UPF2: variants seen among roughly 807,000 people sequenced by gnomAD.
UPF2 encodes the protein UPF2 regulator of nonsense mediated mRNA decay.
UPF2 carries 17 observed loss-of-function variants against 141.4 expected under a neutral mutation model. The observed-to-expected ratio is 0.12, with a 90% CI of 0.08 to 0.18. The LOEUF is 0.18. Ranked by LOEUF, UPF2 falls within the 10% of genes least tolerant of loss-of-function variation. UPF2 has a pLI of 1.00. For synonymous variants in UPF2, 540 were observed against 498.0 expected (o/e 1.08, Z -1.12); for missense variants, 1,152 against 1,515.9 (o/e 0.76, Z 3.99).
Position 12,028,932 on chromosome 10 carries a change from C to A in UPF2, c.958G>T (p.Ala320Ser). The stretch of plus-strand genomic sequence containing the variant: ...TTTACTTTCCTTGGTACAAGTCCAG[C>A]AATATCATCTCCACAATGTCGACAG... ...SFCRHCGDDIAGLVPRKVKSA... is the reference protein window; with the variant it reads ...SFCRHCGDDISGLVPRKVKSA... Residue 320 changes from alanine to serine, a missense_variant, in exon 3 of 22, where the codon GCT (alanine) becomes TCT (serine). Around this residue, in one of 4 missense-constraint regions of UPF2, gnomAD observed 739 missense variants for 1,032.2 expected, o/e 0.72. Coordinates refer to ENST00000357604, the MANE Select transcript of UPF2 (RefSeq NM_015542.4). 1 of 1,614,164 alleles carries A rather than the reference C, an allele frequency of 6.2e-7. No individual in the cohort carries two copies. The highest frequency in any genetic ancestry group is 8.5e-7 in the Non-Finnish European group (1 of 1,180,034).
intron 8 of UPF2, among the ~76,000 whole-genome samples, chr10:11,986,421 T>C (rs1156609730): frequency 6.6e-6 from 1 of 152,120 alleles, no homozygotes; most frequent in South Asian, 2.1e-4. Context: ...AGCAGAAACA[T>C]ACAAACACTT....
chr10:12,039,233 C>G (rs1021125561), intron 1 of UPF2, among the ~76,000 whole-genome samples: 1 of 152,118 alleles, frequency 6.6e-6, no homozygotes, highest in Non-Finnish European at 1.5e-5. Flanking sequence ...AAGGCCTGCA[C>G]AGCTGGTGAC....
chr10:11,925,944 A>G lies in UPF2; in HGVS notation c.3809+3921T>C, dbSNP rs553059520. ...TGATTTTAAGCAGAAGGGCACACAC[A>G]GATATCAAATTTGTGTTTTAGAAAG... On this transcript the variant is annotated intron_variant, in intron 21 of 21. Transcript: ENST00000357604. Among the ~76,000 whole-genome samples the G allele has an allele frequency of 2.6e-3, 390 of 152,340 alleles. 1 individual carries two copies. The highest frequency in any genetic ancestry group is 8.9e-3 in the African/African-American group (369 of 41,580).
intron 9 of UPF2, among the ~76,000 whole-genome samples, chr10:11,968,421 AT>A (rs1435766502): frequency 1.3e-5 from 2 of 152,236 alleles, no homozygotes; most frequent in African/African-American, 4.8e-5. Context: ...ATTAGTTAAC[AT>A]CCCATTAAAT....
At chr10:12,024,326 G>C (rs1397514549) in intron 3 of UPF2, among the ~76,000 whole-genome samples, 2 of 151,974 alleles carry the variant, frequency 1.3e-5, no homozygotes, top group Non-Finnish European at 2.9e-5. Flanking sequence ...GTTTGGGATG[G>C]GGGGTGGGCA....
chr10:11,981,676 G>A (rs1438901209), intron 8 of UPF2, among the ~76,000 whole-genome samples: 2 of 86,598 alleles, frequency 2.3e-5, no homozygotes, highest in East Asian at 6.6e-4. Flanking sequence ...AGGTGTTCTT[G>A]TAAGGTACTC....
At chr10:11,981,464 G>A (rs192131113) in intron 8 of UPF2, among the ~76,000 whole-genome samples, 2 of 152,146 alleles carry the variant, frequency 1.3e-5, no homozygotes, top group Admixed American at 1.3e-4. Flanking sequence ...TAGTATTACC[G>A]CAATAATTTT....
At chr10:11,929,122 G>A (rs868443618) in intron 21 of UPF2, among the ~76,000 whole-genome samples, 3 of 152,354 alleles carry the variant, frequency 2.0e-5, no homozygotes, top group Middle Eastern at 3.4e-3. Context: ...ACTCCAGCCT[G>A]GGCGACAGAG....
chr10:11,983,514 C>G lies in UPF2; in HGVS notation c.1845-4349G>C, dbSNP rs1355738858. Among the ~76,000 whole-genome samples the G allele has an allele frequency of 4.6e-5, 7 of 151,746 alleles. No individual in the cohort carries two copies. In the East Asian group the frequency reaches 9.8e-4, roughly 21 times the overall value. On this transcript the variant is annotated intron_variant, in intron 8 of 21. Coordinates refer to ENST00000357604, the MANE Select transcript of UPF2 (RefSeq NM_015542.4). ...CAGCCTCCTGAGTAGCTGGGACTAC[C>G]AGCGCGTGCTATCATGCCCAGCTAA...
At chr10:11,978,387 T>C (rs994076772) in intron 9 of UPF2, among the ~76,000 whole-genome samples, 1 of 152,214 alleles carries the variant, frequency 6.6e-6, no homozygotes, top group Non-Finnish European at 1.5e-5. Flanking sequence ...GGCAGTATCA[T>C]TTCCCCACTA....
chr10:11,957,473 T>C (rs895330171), intron 12 of UPF2, among the ~76,000 whole-genome samples: 5 of 151,436 alleles, frequency 3.3e-5, no homozygotes, highest in African/African-American at 1.2e-4. Context: ...AAAAATAACA[T>C]GCTCTCTTTG....
chr10:12,006,279 T>C (rs1180929147), intron 4 of UPF2, among the ~76,000 whole-genome samples: 4 of 152,238 alleles, frequency 2.6e-5, no homozygotes, highest in Non-Finnish European at 5.9e-5. Flanking sequence ...ATGGAAAGTA[T>C]GTACCTATTT....
intron 8 of UPF2, among the ~76,000 whole-genome samples, chr10:11,993,638 T>G (rs1301754569): frequency 2.6e-5 from 4 of 152,056 alleles, no homozygotes. Context: ...TTGAAATTCC[T>G]TGGGTCACAA....
intron 3 of UPF2, among the ~76,000 whole-genome samples, chr10:12,017,551 C>T (rs576658056): frequency 3.3e-5 from 5 of 152,314 alleles, no homozygotes; most frequent in Non-Finnish European, 7.3e-5. Context: ...CTGGAACCAA[C>T]TAAAACTTTA....
intron 2 of UPF2, among the ~76,000 whole-genome samples, chr10:12,033,792 T>G (rs772178172): frequency 2.0e-5 from 3 of 152,158 alleles, no homozygotes; most frequent in Non-Finnish European, 2.9e-5. Context: ...CAACCAATCC[T>G]CCTGCCTCAG....
chr10:11,969,085 C>T (rs1356022212), intron 9 of UPF2, among the ~76,000 whole-genome samples: 1 of 151,644 alleles, frequency 6.6e-6, no homozygotes, highest in Non-Finnish European at 1.5e-5. Flanking sequence ...TGGTCTCAAA[C>T]TCCTGGCCTC....
chr10:11,938,853 G>GTTTTTT lies in UPF2; in HGVS notation c.3379-2147_3379-2142dup, dbSNP rs58106776. Among the ~76,000 whole-genome samples the GTTTTTT allele has an allele frequency of 9.2e-3, 737 of 79,792 alleles. 158 individuals are homozygous for GTTTTTT. The highest frequency in any genetic ancestry group is 0.011 in the African/African-American group (227 of 20,082). The allele number at this position is 79,792 out of a possible 152,430, so 52.3% of individuals were successfully genotyped here. ...GTGGTCTTAAGCAAGTTTTTTTTTTGTTTTTTTTTTTTTTTTTTTTTTTTT... is the reference window on the plus strand; with the variant it reads ...GTGGTCTTAAGCAAGTTTTTTTTTTGTTTTTTTTTTTTTTTTTTTTTTTTTTTTTTT... On this transcript the variant is annotated intron_variant, in intron 18 of 21. Transcript: ENST00000357604.
chr10:11,940,620 C>T lies in UPF2; in HGVS notation c.3378+2045G>A, dbSNP rs888916463. On this transcript the variant is annotated intron_variant, in intron 18 of 21. Coordinates refer to ENST00000357604, the MANE Select transcript of UPF2 (RefSeq NM_015542.4). The surrounding 1 kb of genome is among the most constrained non-coding windows in gnomAD (Gnocchi z 4.2). ...AACTATCATCTTTGATGCCTCACCC[C>T]CTACACACCCATATCCAATCCAGCG... Among the ~76,000 whole-genome samples the T allele has an allele frequency of 3.9e-5, 6 of 152,308 alleles. No individual in the cohort carries two copies. The highest frequency in any genetic ancestry group is 2.1e-4 in the South Asian group (1 of 4,826).
At position 11,936,356 on chromosome 10, in the gene UPF2, C is replaced by T. The variant is rs572149124; in HGVS notation, c.3546+189G>A. On this transcript the variant is annotated intron_variant, in intron 19 of 21. Coordinates refer to ENST00000357604, the MANE Select transcript of UPF2 (RefSeq NM_015542.4). The surrounding 1 kb of genome is among the most constrained non-coding windows in gnomAD (Gnocchi z 6.6). The stretch of plus-strand genomic sequence containing the variant: ...CTCCAGCCTGGGCGACAAAGTGAGA[C>T]GCCGTCTCAAAAAAAACAAAAACAA... Among the ~76,000 whole-genome samples, 3 of 151,596 alleles carry T rather than the reference C, an allele frequency of 2.0e-5. No homozygotes were observed. Among genetic ancestry groups the T allele is most frequent in the East Asian group, 1.9e-4 (1 of 5,176 alleles).
Sources: gnomAD v4.1 joint callset for allele counts (sites outside exome capture counted in the v4.1 genomes callset) on GRCh38, gnomAD v4.1.1 for gene constraint, gnomAD v4.1.1 regional missense constraint, Gnocchi (gnomAD v3.1) non-coding constraint, MANE v1.5 for transcripts, NCBI Gene and HGNC (gene_info 2026-07-23, HGNC 2026-07-21) for gene names.